Variants in COMMD10 observed in about 807,000 individuals in gnomAD.
The protein encoded by COMMD10 is COMM domain containing 10, also known as COMM domain-containing protein 10.
In COMMD10, 33 loss-of-function variants were observed where a neutral mutation model predicts 28.9. That is an observed-to-expected ratio of 1.14 (90% CI 0.87 to 1.53). COMMD10 has a LOEUF of 1.53. Among genes scored for constraint, COMMD10 ranks in the 40% most tolerant of loss-of-function variants. The pLI is 0.00. For synonymous variants in COMMD10, 110 were observed against 81.7 expected (o/e 1.35, Z -1.87); for missense variants, 310 against 233.4 (o/e 1.33, Z -2.14).
chr5:116,194,487 T>A (rs953187652), intron 5 of COMMD10, among the ~76,000 whole-genome samples: 1 of 152,028 alleles, frequency 6.6e-6, no homozygotes, highest in African/African-American at 2.4e-5. Context: ...ACAGGAGATA[T>A]TACAACTGAC....
At chr5:116,113,856 T>A (rs1175547631) in intron 4 of COMMD10, among the ~76,000 whole-genome samples, 1 of 152,162 alleles carries the variant, frequency 6.6e-6, no homozygotes, top group East Asian at 1.9e-4. Context: ...TGCCATGCGT[T>A]TTCATGTTTC....
intron 5 of COMMD10, among the ~76,000 whole-genome samples, chr5:116,264,608 C>T (rs1313485535): frequency 2.6e-5 from 4 of 151,880 alleles, no homozygotes; most frequent in South Asian, 2.1e-4. Context: ...GAGACCCATC[C>T]GTTTACATAA....
intron 2 of COMMD10, among the ~76,000 whole-genome samples, chr5:116,090,130 G>A (rs1750248776): frequency 1.4e-5 from 1 of 70,808 alleles, no homozygotes; most frequent in South Asian, 3.9e-4. Context: ...GAATCCCAAG[G>A]GGGAATCAAT....
At chr5:116,139,194 A>G (rs1218118590) in intron 5 of COMMD10, among the ~76,000 whole-genome samples, 2 of 151,782 alleles carry the variant, frequency 1.3e-5, no homozygotes, top group Non-Finnish European at 3.0e-5. Context: ...TTATCGTTAC[A>G]TGGACTCTAG....
At chr5:116,143,712 A>T (rs559937003) in intron 5 of COMMD10, among the ~76,000 whole-genome samples, 69 of 152,030 alleles carry the variant, frequency 4.5e-4, no homozygotes, top group Non-Finnish European at 7.8e-4. Flanking sequence ...AATGAATTAG[A>T]CATCTGGACA....
chr5:116,160,056 G>C (rs904648577), intron 5 of COMMD10, among the ~76,000 whole-genome samples: 1 of 152,126 alleles, frequency 6.6e-6, no homozygotes, highest in Non-Finnish European at 1.5e-5. Context: ...ACTTATAAAT[G>C]GTAGTGAATT....
intron 5 of COMMD10, among the ~76,000 whole-genome samples, chr5:116,190,517 C>T (rs1352655472): frequency 6.6e-6 from 1 of 152,136 alleles, no homozygotes; most frequent in Non-Finnish European, 1.5e-5. Flanking sequence ...CCTACAGTTT[C>T]AGTTCCATAA....
At chr5:116,223,589 T>C (rs773509395) in intron 5 of COMMD10, among the ~76,000 whole-genome samples, 1 of 152,042 alleles carries the variant, frequency 6.6e-6, no homozygotes, top group Non-Finnish European at 1.5e-5. Flanking sequence ...TTTAACCTAA[T>C]CCAGAGAAGC....
At chr5:116,188,562 C>CTCTT (rs917697549) in intron 5 of COMMD10, 2 of 151,464 alleles carry the variant, frequency 1.3e-5, no homozygotes, top group Non-Finnish European at 2.9e-5. Flanking sequence ...CATGGTTTTT[C>CTCTT]TCTTTCTTTC....
At chr5:116,109,354 T>C (rs1478861931) in intron 4 of COMMD10, among the ~76,000 whole-genome samples, 2 of 152,136 alleles carry the variant, frequency 1.3e-5, no homozygotes, top group Non-Finnish European at 2.9e-5. Context: ...GAGGCTGAGG[T>C]GGGTGGATCA....
intron 5 of COMMD10, among the ~76,000 whole-genome samples, chr5:116,287,233 A>G (rs554162442): frequency 6.6e-5 from 10 of 151,842 alleles, no homozygotes; most frequent in Admixed American, 5.9e-4. Flanking sequence ...TTGAGAACTT[A>G]CTGTATTTAT....
chr5:116,254,168 T>C (rs573367778), intron 5 of COMMD10, among the ~76,000 whole-genome samples: 1 of 152,188 alleles, frequency 6.6e-6, no homozygotes, highest in South Asian at 2.1e-4. Flanking sequence ...TTTTATTGCG[T>C]CTATTTGATT....
At position 116,237,408 on chromosome 5, in the gene COMMD10, T is replaced by C. The variant is rs150926207; in HGVS notation, c.511-54109T>C. 2.0e-3 allele frequency among the ~76,000 whole-genome samples: 305 copies of C among 152,250 alleles called. 2 individuals carry two copies. The highest frequency in any genetic ancestry group is 7.0e-3 in the African/African-American group (290 of 41,546). ...TAGTTTTATTAAAACAGATGTAACATTGCAGTTTTACAAATCACATGATTT... is the reference window on the plus strand; with the variant it reads ...TAGTTTTATTAAAACAGATGTAACACTGCAGTTTTACAAATCACATGATTT... On this transcript the variant is annotated intron_variant, in intron 5 of 6. Transcript: ENST00000274458.
chr5:116,223,729 T>A (rs998618498), intron 5 of COMMD10, among the ~76,000 whole-genome samples: 1 of 152,160 alleles, frequency 6.6e-6, no homozygotes, highest in African/African-American at 2.4e-5. Flanking sequence ...GCGACTATAA[T>A]GTATTGTAAG....
intron 5 of COMMD10, among the ~76,000 whole-genome samples, chr5:116,136,885 G>A (rs1011274689): frequency 6.6e-6 from 1 of 152,092 alleles, no homozygotes; most frequent in African/African-American, 2.4e-5. Context: ...CTTTCATCTT[G>A]TATGTAGACT....
chr5:116,197,271 G>A (rs898366095), intron 5 of COMMD10, among the ~76,000 whole-genome samples: 2 of 149,158 alleles, frequency 1.3e-5, no homozygotes, highest in African/African-American at 5.1e-5. Flanking sequence ...TTAACACCTA[G>A]GATAACATTT....
At chr5:116,181,925 A>G (rs1387240611) in intron 5 of COMMD10, among the ~76,000 whole-genome samples, 1 of 152,134 alleles carries the variant, frequency 6.6e-6, no homozygotes, top group African/African-American at 2.4e-5. Context: ...GATAAAGAGT[A>G]GGATAGACAT....
At chr5:116,203,713 C>T (rs1331943626) in intron 5 of COMMD10, among the ~76,000 whole-genome samples, 6 of 151,884 alleles carry the variant, frequency 4.0e-5, no homozygotes, top group Non-Finnish European at 1.5e-5. Flanking sequence ...CACCACCAGG[C>T]CTGCCCTAAA....
At chr5:116,102,699 G>A (rs1750703923) in intron 4 of COMMD10, among the ~76,000 whole-genome samples, 2 of 152,002 alleles carry the variant, frequency 1.3e-5, no homozygotes, top group Admixed American at 6.5e-5. Flanking sequence ...TAAGTTCTGG[G>A]GTACATGTGC....
Sources: gnomAD v4.1 joint callset for allele counts (sites outside exome capture counted in the v4.1 genomes callset) on GRCh38, gnomAD v4.1.1 for gene constraint, MANE v1.5 for transcripts, NCBI Gene and HGNC (gene_info 2026-07-23, HGNC 2026-07-21) for gene names.